Variants in TMEM163 observed in about 807,000 individuals in gnomAD.
TMEM163 encodes transmembrane protein 163.
Under a neutral mutation model 29.3 loss-of-function variants are expected in TMEM163, and 17 were observed. The ratio of observed to expected loss-of-function variants is 0.58; its 90% CI spans 0.40 to 0.87. The LOEUF is 0.87. Ranked by LOEUF, TMEM163 falls within the 40% of genes least tolerant of loss-of-function variation. The pLI, the probability that TMEM163 is intolerant of heterozygous loss-of-function variation, is 0.00. For missense variants in TMEM163, 303 were observed against 381.5 expected, an observed-to-expected ratio of 0.79 and a Z score of 1.71; for synonymous variants, 157 against 160.6, an observed-to-expected ratio of 0.98 and a Z score of 0.17.
chr2:134,692,744 C>G (rs1684499401), intron 2 of TMEM163, among the ~76,000 whole-genome samples: 1 of 152,186 alleles, frequency 6.6e-6, no homozygotes, highest in African/African-American at 2.4e-5. Flanking sequence ...ATCACCTCAT[C>G]ATCCTCATGA....
chr2:134,560,048 G>A (rs1048380620), intron 2 of TMEM163, among the ~76,000 whole-genome samples: 1 of 151,982 alleles, frequency 6.6e-6, no homozygotes, highest in Non-Finnish European at 1.5e-5. Flanking sequence ...GCCAGGCCAC[G>A]GCTCTTCATT....
intron 2 of TMEM163, among the ~76,000 whole-genome samples, chr2:134,573,297 A>G (rs948547800): frequency 2.6e-5 from 4 of 152,248 alleles, no homozygotes; most frequent in Non-Finnish European, 2.9e-5. Flanking sequence ...CTAACCTGAA[A>G]TATCTGTCAC....
intron 2 of TMEM163, among the ~76,000 whole-genome samples, chr2:134,658,307 A>G (rs919572618): frequency 6.6e-6 from 1 of 152,194 alleles, no homozygotes; most frequent in Non-Finnish European, 1.5e-5. Context: ...CTAGCTCTGA[A>G]TTCAGGATTC....
chr2:134,648,300 T>TTCTCCTCTTC (rs1683381397), intron 2 of TMEM163, among the ~76,000 whole-genome samples: 1 of 51,320 alleles, frequency 1.9e-5, no homozygotes, highest in Non-Finnish European at 5.7e-5. Flanking sequence ...ATCTCACTGC[T>TTCTCCTCTTC]TCTCCTCTTC....
rs1245555967 is a variant in TMEM163, at chr2:134,475,034, T to G, written c.556-8809A>C. The stretch of plus-strand genomic sequence containing the variant: ...ATGAAAGGGCTTACAATAAGTAAAG[T>G]GATTTTGAAAAAGAACAAGTTTCAA... On this transcript the variant is annotated intron_variant, in intron 5 of 7. Coordinates refer to ENST00000281924, the MANE Select transcript of TMEM163 (RefSeq NM_030923.5). Among the ~76,000 whole-genome samples, 3 of 152,148 alleles carry G rather than the reference T, an allele frequency of 2.0e-5. 1 individual carries two copies. The highest frequency in any genetic ancestry group is 6.3e-3 in the Middle Eastern group (2 of 316).
intron 2 of TMEM163, among the ~76,000 whole-genome samples, chr2:134,686,593 A>G (rs962690357): frequency 6.6e-6 from 1 of 152,236 alleles, no homozygotes; most frequent in African/African-American, 2.4e-5. Flanking sequence ...AAAAGGAGGT[A>G]GAATCATAGC....
intron 2 of TMEM163, among the ~76,000 whole-genome samples, chr2:134,711,306 CACAT>C (rs1312115890): frequency 6.6e-6 from 1 of 152,228 alleles, no homozygotes; most frequent in Admixed American, 6.5e-5. Context: ...AAATATGAAA[CACAT>C]ACACACACAC....
intron 2 of TMEM163, among the ~76,000 whole-genome samples, chr2:134,590,265 C>T (rs537934030): frequency 7.9e-5 from 12 of 152,248 alleles, no homozygotes; most frequent in South Asian, 2.1e-4. Flanking sequence ...CAAAGCCAGT[C>T]GGTGGCCAAA....
intron 2 of TMEM163, among the ~76,000 whole-genome samples, chr2:134,610,529 G>A (rs1443235637): frequency 6.6e-6 from 1 of 152,182 alleles, no homozygotes; most frequent in East Asian, 1.9e-4. Context: ...GATGATCTGG[G>A]ACCACACCTT....
chr2:134,466,062 T>C (rs1686663115), intron 6 of TMEM163, 52 bp downstream of exon 6: 1 of 1,343,944 alleles, frequency 7.4e-7, no homozygotes, highest in Non-Finnish European at 1.1e-6. Context: ...AACAGCATCT[T>C]CCTCCACTGT....
At chr2:134,461,682 C>G (rs1048796867) in intron 6 of TMEM163, among the ~76,000 whole-genome samples, 32 of 152,232 alleles carry the variant, frequency 2.1e-4, no homozygotes, top group African/African-American at 7.5e-4. Flanking sequence ...TCATCTCCAT[C>G]GGCCACACCC....
At chr2:134,681,511 C>T (rs1468841366) in intron 2 of TMEM163, among the ~76,000 whole-genome samples, 2 of 151,934 alleles carry the variant, frequency 1.3e-5, no homozygotes, top group African/African-American at 2.4e-5. Context: ...TTCTCTCTAC[C>T]CCCCACTCTT....
intron 4 of TMEM163, among the ~76,000 whole-genome samples, chr2:134,543,003 C>T (rs1346871237): frequency 3.3e-5 from 5 of 152,198 alleles, no homozygotes; most frequent in Non-Finnish European, 1.5e-5. Context: ...CCTAATCAAA[C>T]ATAACCTGAT....
intron 2 of TMEM163, among the ~76,000 whole-genome samples, chr2:134,559,784 T>C (rs1181122300): frequency 1.3e-5 from 2 of 152,158 alleles, no homozygotes; most frequent in African/African-American, 4.8e-5. Flanking sequence ...GCTGCTGCTA[T>C]GGGGGTAGGG....
chr2:134,597,756 C>T (rs1033867595), intron 2 of TMEM163, among the ~76,000 whole-genome samples: 6 of 151,934 alleles, frequency 3.9e-5, no homozygotes, highest in Non-Finnish European at 8.8e-5. Flanking sequence ...GACTTTTTTT[C>T]GTTGGTAAGC....
At chr2:134,503,654 G>T (rs985845641) in intron 4 of TMEM163, among the ~76,000 whole-genome samples, 2 of 152,168 alleles carry the variant, frequency 1.3e-5, no homozygotes, top group African/African-American at 4.8e-5. Flanking sequence ...TTTGTGGTAA[G>T]AGAAACTCTA....
intron 2 of TMEM163, among the ~76,000 whole-genome samples, chr2:134,563,451 C>T (rs189139471): frequency 5.8e-4 from 89 of 152,266 alleles, no homozygotes; most frequent in African/African-American, 2.0e-3. Flanking sequence ...TAAGTGAATA[C>T]ACAAATTCCA....
chr2:134,556,978 C>G (rs1354791242), intron 2 of TMEM163, among the ~76,000 whole-genome samples: 2 of 152,286 alleles, frequency 1.3e-5, no homozygotes, highest in Middle Eastern at 3.4e-3. Flanking sequence ...CTAGCCAGCA[C>G]AGGTGCAAAC....
intron 4 of TMEM163, among the ~76,000 whole-genome samples, chr2:134,522,468 A>G (rs579670): frequency 0.57 from 86,645 of 152,190 alleles, 25,794 homozygotes; most frequent in East Asian, 0.82. Flanking sequence ...TGGCACTGAC[A>G]GCATCCGAAG....
Sources: gnomAD v4.1 joint callset for allele counts (sites outside exome capture counted in the v4.1 genomes callset) on GRCh38, gnomAD v4.1.1 for gene constraint, MANE v1.5 for transcripts, NCBI Gene and HGNC (gene_info 2026-07-23, HGNC 2026-07-21) for gene names.